GLB1: variants seen among roughly 807,000 people sequenced by gnomAD.
GLB1 encodes the protein beta-galactosidase.
GLB1 carries 56 observed loss-of-function variants against 74.0 expected under a neutral mutation model. The observed-to-expected ratio is 0.76, with a 90% CI of 0.61 to 0.94. GLB1 has a LOEUF of 0.94. Ranked by LOEUF, GLB1 falls within the 40% of genes least tolerant of loss-of-function variation. The pLI, the probability that GLB1 is intolerant of heterozygous loss-of-function variation, is 0.00. For synonymous variants in GLB1, 323 were observed against 323.6 expected (o/e 1.00, Z 0.02); for missense variants, 787 against 845.5 (o/e 0.93, Z 0.86).
At chr3:33,053,988 G>C (rs1184245638) in intron 6 of GLB1, among the ~76,000 whole-genome samples, 1 of 151,992 alleles carries the variant, frequency 6.6e-6, no homozygotes, top group Non-Finnish European at 1.5e-5. Context: ...ACTCCAGCCT[G>C]GGCAACAGAG....
chr3:33,092,745 G>C (rs1159813295), intron 1 of GLB1: 8 of 1,512,506 alleles, frequency 5.3e-6, no homozygotes, highest in Non-Finnish European at 6.2e-6. Context: ...AGTGGGCAAG[G>C]CTGGAGGGGA....
chr3:33,025,913 G>A (rs1304617245), intron 10 of GLB1, among the ~76,000 whole-genome samples: 2 of 152,208 alleles, frequency 1.3e-5, no homozygotes, highest in Non-Finnish European at 2.9e-5. Flanking sequence ...CACTGCTCTT[G>A]CCTTGCTGCT....
chr3:33,019,894 G>T (rs1378176451), intron 12 of GLB1, among the ~76,000 whole-genome samples: 1 of 152,158 alleles, frequency 6.6e-6, no homozygotes, highest in African/African-American at 2.4e-5. Flanking sequence ...GCTGGAAATA[G>T]ATATTCTGTG....
At chr3:32,967,134 A>T in the GLB1 span, among the ~76,000 whole-genome samples, 1,456 of 152,308 alleles carry the variant, frequency 9.6e-3, 30 homozygotes, top group African/African-American at 0.033. Context: ...TCAGGACAAA[A>T]ATCAGCAAGA....
chr3:33,004,150 C>G (rs1247074946), intron 15 of GLB1, among the ~76,000 whole-genome samples: 1 of 152,206 alleles, frequency 6.6e-6, no homozygotes, highest in Admixed American at 6.5e-5. Context: ...CCTTAAGGAG[C>G]CTTGCGCATT....
chr3:33,020,797 G>A (rs114537428), intron 12 of GLB1, among the ~76,000 whole-genome samples: 60 of 152,260 alleles, frequency 3.9e-4, no homozygotes, highest in Non-Finnish European at 6.5e-4. Context: ...TTGTATTGTG[G>A]TTCTGCAGGA....
In GLB1 at chr3:33,053,549, C is replaced by T; in HGVS notation, c.734G>A (p.Gly245Asp). The change falls in exon 7 of 16, where the codon GGC becomes GAC. Residue 245 changes from glycine to aspartate, a missense_variant and splice_region_variant. Physicochemically the swap from Gly to Asp is moderately conservative, Grantham distance 94. Transcript: ENST00000307363. ...GLYTTVDFGT[G>D]SNITDAFLSQ... ...TAGGAAAGCATCTGTGATGTTGCTG[C>T]CTGAAAATTGTAAGAGGGAGAAGGT... The T allele has an allele frequency of 6.2e-7, 1 of 1,614,110 alleles. No homozygotes were observed. Among genetic ancestry groups the T allele is most frequent in the Non-Finnish European group, 8.5e-7 (1 of 1,180,020 alleles).
intron 1 of GLB1, among the ~76,000 whole-genome samples, chr3:33,087,587 A>ACG (rs1559419385): frequency 2.0e-5 from 2 of 102,192 alleles, no homozygotes; most frequent in African/African-American, 7.1e-5. Context: ...GCGCACACAC[A>ACG]CACACACACA....
the GLB1 span, among the ~76,000 whole-genome samples, chr3:32,961,479 G>T: frequency 7.2e-5 from 11 of 152,204 alleles, no homozygotes; most frequent in Admixed American, 7.2e-4. Flanking sequence ...GCCCCAGTTT[G>T]GTTCTGAGAA....
intron 4 of GLB1, among the ~76,000 whole-genome samples, chr3:33,067,842 T>G (rs987829330): frequency 2.0e-5 from 3 of 152,188 alleles, no homozygotes; most frequent in Admixed American, 1.3e-4. Context: ...TACCCCAGCC[T>G]TCAAAATACC....
chr3:33,059,244 T>TAC (rs55785242), intron 5 of GLB1, among the ~76,000 whole-genome samples: 2,615 of 144,346 alleles, frequency 0.018, 29 homozygotes, highest in African/African-American at 0.026. Context: ...ATATAAAACA[T>TAC]ACACACACAC....
intron 1 of GLB1, among the ~76,000 whole-genome samples, chr3:33,073,191 C>T (rs879426859): frequency 3.9e-5 from 6 of 152,104 alleles, no homozygotes; most frequent in East Asian, 1.9e-4. Flanking sequence ...CAGAGCCTGA[C>T]GCCCCATCCT....
At position 33,018,712 on chromosome 3, in the gene GLB1, G is replaced by A. The variant is rs1697346790; in HGVS notation, c.1234-151C>T. On this transcript the variant is annotated intron_variant, in intron 12 of 15. Transcript: ENST00000307363. ...CCCGAAAAAATTAAATTTGAAAAAG[G>A]AAACTGGTTTAATTTTTAGGTCATC... is the stretch of plus-strand genomic sequence containing the variant. 11 of 801,524 alleles carry A rather than the reference G, an allele frequency of 1.4e-5. No individual in the cohort carries two copies. The South Asian group carries it at 1.7e-4, about 12-fold the overall frequency. 49.7% of individuals were successfully genotyped at this position (801,524 alleles called of 1,614,324 possible).
the GLB1 span, among the ~76,000 whole-genome samples, chr3:32,990,756 G>A: frequency 1.1e-4 from 16 of 152,134 alleles, no homozygotes; most frequent in African/African-American, 3.6e-4. Context: ...GGCAGATCAC[G>A]AGGTCAGGAG....
At chr3:33,058,932 G>C (rs1194255023) in intron 5 of GLB1, among the ~76,000 whole-genome samples, 1 of 152,104 alleles carries the variant, frequency 6.6e-6, no homozygotes, top group Non-Finnish European at 1.5e-5. Flanking sequence ...AATAACATCG[G>C]TGGTTCTCAA....
chr3:33,082,664 A>T (rs2125569031), intron 1 of GLB1, among the ~76,000 whole-genome samples: 1 of 152,330 alleles, frequency 6.6e-6, no homozygotes, highest in Non-Finnish European at 1.5e-5. Context: ...TAATGTTCTA[A>T]TCTTTTCAAA....
chr3:33,046,976 G>C (rs923444584), intron 9 of GLB1, among the ~76,000 whole-genome samples: 2 of 152,150 alleles, frequency 1.3e-5, no homozygotes, highest in African/African-American at 2.4e-5. Flanking sequence ...AACCCTCAGG[G>C]ATAGCCCACA....
intron 15 of GLB1, among the ~76,000 whole-genome samples, chr3:33,003,195 T>A (rs1339375326): frequency 6.6e-6 from 1 of 152,198 alleles, no homozygotes; most frequent in Non-Finnish European, 1.5e-5. Flanking sequence ...ATCAAATGCA[T>A]AAAATAACAG....
At chr3:33,049,221 C>T (rs1698872082) in intron 9 of GLB1, among the ~76,000 whole-genome samples, 1 of 152,156 alleles carries the variant, frequency 6.6e-6, no homozygotes, top group African/African-American at 2.4e-5. Context: ...CCCACCAGGT[C>T]TCAACTGTTT....
Sources: allele counts gnomAD v4.1 joint callset (sites outside exome capture counted in the v4.1 genomes callset), GRCh38; gene constraint gnomAD v4.1.1; transcripts MANE v1.5; gene names NCBI Gene and HGNC (gene_info 2026-07-23, HGNC 2026-07-21).